The following LRP1B variants were observed in gnomAD, a reference collection of about 807,000 sequenced individuals.
The protein encoded by LRP1B is LDL receptor related protein 1B.
LRP1B carries 217 observed loss-of-function variants against 556.6 expected under a neutral mutation model. The observed-to-expected ratio is 0.39, with a 90% CI of 0.35 to 0.44. The LOEUF is 0.44. Among genes scored for constraint, LRP1B ranks in the 20% least tolerant of loss-of-function variants. The probability of loss-of-function intolerance (pLI) is 1.00; values close to 1 mark genes in which losing one functional copy is unlikely to be tolerated. For synonymous variants in LRP1B, 2,047 were observed against 1,865.8 expected (o/e 1.10, Z -2.50); for missense variants, 5,053 against 5,620.8 (o/e 0.90, Z 3.23).
chr2:141,458,807 T>A (rs933980488), intron 3 of LRP1B, among the ~76,000 whole-genome samples: 7 of 152,172 alleles, frequency 4.6e-5, no homozygotes, highest in Non-Finnish European at 8.8e-5. Context: ...TTCTACAACA[T>A]CAGTCCTATT....
intron 63 of LRP1B, among the ~76,000 whole-genome samples, chr2:140,447,983 G>T (rs1052330095): frequency 1.3e-5 from 2 of 152,048 alleles, no homozygotes; most frequent in Non-Finnish European, 2.9e-5. Flanking sequence ...TTATGGATAT[G>T]CTCTGTGGTG....
intron 1 of LRP1B, among the ~76,000 whole-genome samples, chr2:141,856,102 T>C (rs1251232853): frequency 1.3e-5 from 2 of 152,150 alleles, no homozygotes; most frequent in Admixed American, 6.6e-5. Context: ...AAATACCATA[T>C]ATAAAAAATG....
chr2:141,615,922 G>A (rs1688280646), intron 2 of LRP1B, among the ~76,000 whole-genome samples: 1 of 152,088 alleles, frequency 6.6e-6, no homozygotes, highest in South Asian at 2.1e-4. Context: ...ATATATTAAG[G>A]TCGTAAAAAA....
intron 47 of LRP1B, among the ~76,000 whole-genome samples, chr2:140,529,263 T>A (rs1170696583): frequency 3.3e-5 from 5 of 152,082 alleles, no homozygotes; most frequent in African/African-American, 1.2e-4. Flanking sequence ...TTAATTTTAC[T>A]ATTTCTTCCA....
At chr2:140,762,652 T>G (rs538458718) in intron 35 of LRP1B, among the ~76,000 whole-genome samples, 1 of 152,086 alleles carries the variant, frequency 6.6e-6, no homozygotes, top group African/African-American at 2.4e-5. Context: ...ATGATCCACT[T>G]ACTACTTGTT....
intron 67 of LRP1B, among the ~76,000 whole-genome samples, chr2:140,383,350 T>A (rs978003243): frequency 6.6e-6 from 1 of 151,832 alleles, no homozygotes; most frequent in Non-Finnish European, 1.5e-5. Flanking sequence ...AGATAACAAT[T>A]GCAAATATCT....
intron 2 of LRP1B, among the ~76,000 whole-genome samples, chr2:141,689,396 A>T (rs1188117423): frequency 2.0e-5 from 3 of 151,764 alleles, no homozygotes; most frequent in Non-Finnish European, 4.4e-5. Flanking sequence ...ACACAAACAA[A>T]CTCCATTCTG....
chr2:141,482,166 A>G (rs1682944429), intron 2 of LRP1B, among the ~76,000 whole-genome samples: 1 of 152,188 alleles, frequency 6.6e-6, no homozygotes, highest in East Asian at 1.9e-4. Flanking sequence ...TCATACAAGC[A>G]AAAAAACGAA....
In LRP1B at chr2:140,879,835, G is replaced by T. The variant is rs139151864; in HGVS notation, c.4169+3982C>A. Among the ~76,000 whole-genome samples the T allele has an allele frequency of 6.0e-3, 909 of 151,788 alleles. 10 individuals are homozygous for T. The highest frequency in any genetic ancestry group is 0.02 in the African/African-American group (833 of 41,412). On this transcript the variant is annotated intron_variant, in intron 25 of 90. Transcript: ENST00000389484. ...AGTTCCTCCATTCATGGATTAGTAA[G>T]TGTCTGGATTAAACTGGGTCAAAAG... is the stretch of plus-strand genomic sequence containing the variant.
At chr2:141,495,109 A>G (rs1022258795) in intron 2 of LRP1B, among the ~76,000 whole-genome samples, 2 of 152,102 alleles carry the variant, frequency 1.3e-5, no homozygotes, top group African/African-American at 2.4e-5. Flanking sequence ...TAAAAAAGGT[A>G]GAAACATAAA....
At chr2:140,345,587 T>C (rs1389062845) in intron 77 of LRP1B, among the ~76,000 whole-genome samples, 1 of 150,282 alleles carries the variant, frequency 6.7e-6, no homozygotes, top group Non-Finnish European at 1.5e-5. Context: ...ATGTATGTCC[T>C]CTATTCTGCT....
At chr2:141,305,624 T>A (rs1686557490) in intron 3 of LRP1B, among the ~76,000 whole-genome samples, 1 of 152,200 alleles carries the variant, frequency 6.6e-6, no homozygotes, top group Non-Finnish European at 1.5e-5. Context: ...TCCAGTAGTA[T>A]GTCGAATAAC....
chr2:140,322,185 G>GTTGAAAAGTAATCACATTAAA, intron 81 of LRP1B, 97 bp from the exon 82 acceptor site: 2 of 1,165,078 alleles, frequency 1.7e-6, no homozygotes, highest in Non-Finnish European at 2.5e-6. Flanking sequence ...AATTAGCAAT[G>GTTGAAAAGTAATCACATTAAA]TTGAAAAGTA....
Position 141,013,725 on chromosome 2 carries a change from C to T in LRP1B, c.2211G>A (p.Glu737=), listed in dbSNP as rs139635057. 122 of 1,584,634 alleles carry T rather than the reference C, an allele frequency of 7.7e-5. No individual in the cohort carries two copies. The highest frequency in any genetic ancestry group is 9.9e-5 in the Non-Finnish European group (116 of 1,167,102). ...THRKIVYSGR[E]LNHPFGLSHH... ...GCGACAGTCCGAAAGGGTGGTTCAA[C>T]TCTCTCCCACTGTAAACAATCTGTA... Residue 737 remains glutamate (E), a synonymous_variant, in exon 14 of 91, where the codon GAG becomes GAA. Coordinates refer to ENST00000389484, the MANE Select transcript of LRP1B (RefSeq NM_018557.3).
intron 2 of LRP1B, among the ~76,000 whole-genome samples, chr2:141,748,805 T>C (rs1050039145): frequency 1.3e-5 from 2 of 152,128 alleles, no homozygotes; most frequent in Non-Finnish European, 2.9e-5. Context: ...GACGCAAACA[T>C]GCAAAGCTTT....
At chr2:141,930,510 A>G (rs926682288) in intron 1 of LRP1B, among the ~76,000 whole-genome samples, 7 of 151,964 alleles carry the variant, frequency 4.6e-5, no homozygotes, top group African/African-American at 9.7e-5. Flanking sequence ...GAACTGCCAC[A>G]CTGATTTATG....
intron 3 of LRP1B, among the ~76,000 whole-genome samples, chr2:141,312,543 AAAGGTCAACGGTACTT>A (rs1686851624): frequency 6.6e-6 from 1 of 152,128 alleles, no homozygotes; most frequent in Non-Finnish European, 1.5e-5. Context: ...GAGATGGTTA[AAAGGTCAACGGTACTT>A]AAGTGGTTGT....
At chr2:140,440,009 T>G (rs1558883836) in intron 66 of LRP1B, among the ~76,000 whole-genome samples, 1 of 152,118 alleles carries the variant, frequency 6.6e-6, no homozygotes, top group Non-Finnish European at 1.5e-5. Flanking sequence ...ATTGTTTTCT[T>G]TACATAATTT....
At position 141,350,858 on chromosome 2, in the gene LRP1B, G is replaced by A. The variant is rs1688419679; in HGVS notation, c.344-96217C>T. Among the ~76,000 whole-genome samples, 11 of 152,124 alleles carry A rather than the reference G, an allele frequency of 7.2e-5. 1 individual carries two copies. In the South Asian group the frequency reaches 2.3e-3, roughly 32 times the overall value. On this transcript the variant is annotated intron_variant, in intron 3 of 90. Transcript: ENST00000389484. ...TAGATTTTGGCCGCCATTGGAATAA[G>A]TTATAGATGAGCAATGTGGCATAAC...
Sources: allele counts gnomAD v4.1 joint callset (sites outside exome capture counted in the v4.1 genomes callset), GRCh38; gene constraint gnomAD v4.1.1; transcripts MANE v1.5; gene names NCBI Gene and HGNC (gene_info 2026-07-23, HGNC 2026-07-21).